PNP: variants seen among roughly 807,000 people sequenced by gnomAD.
PNP encodes the protein HEL-S-156an.
A neutral mutation model predicts 26.8 loss-of-function variants in PNP; 18 were observed. The ratio of observed to expected loss-of-function variants is 0.67; its 90% CI spans 0.46 to 1.00. The LOEUF (loss-of-function observed/expected upper bound fraction) is 1.00. PNP is among the 50% of genes least tolerant of loss of function. PNP has a pLI of 0.00. For synonymous variants in PNP, 116 were observed against 124.8 expected (o/e 0.93, Z 0.47); for missense variants, 320 against 362.9 (o/e 0.88, Z 0.96).
At position 20,475,208 on chromosome 14, in the gene PNP, T is replaced by C. The variant is rs777107081; in HGVS notation, c.608T>C (p.Val203Ala). Residue 203 changes from valine (V) to alanine (A), a missense_variant, in exon 5 of 6, where the codon GTG becomes GCG. Transcript: ENST00000361505. ...GTGGCAGGCCCCAGCTTTGAGACTG[T>C]GGCAGAATGTCGTGTGCTGCAGAAG... is the stretch of plus-strand genomic sequence containing the variant. ...VMVAGPSFET[V>A]AECRVLQKLG... 3 of 1,613,882 alleles carry C rather than the reference T, an allele frequency of 1.9e-6. No homozygotes were observed. In the East Asian group the frequency reaches 6.7e-5, roughly 36 times the overall value.
chr14:20,471,032 T>A (rs995936310), intron 1 of PNP, among the ~76,000 whole-genome samples: 2 of 151,788 alleles, frequency 1.3e-5, no homozygotes, highest in African/African-American at 4.8e-5. Flanking sequence ...TTATTTTATT[T>A]TTATTTATTT....
In PNP at chr14:20,474,524, T is replaced by C. The variant is rs1407981625; in HGVS notation, c.234T>C (p.Cys78=). The C allele has an allele frequency of 1.2e-6, 2 of 1,614,060 alleles. No individual in the cohort carries two copies. Among genetic ancestry groups the C allele is most frequent in the Non-Finnish European group, 1.7e-6 (2 of 1,180,048 alleles). ...TTGGGTTCCTGAATGGCAGGGCCTGTGTGATGATGCAGGGCAGGTTCCACA... is the reference window on the plus strand; with the variant it reads ...TTGGGTTCCTGAATGGCAGGGCCTGCGTGATGATGCAGGGCAGGTTCCACA... The part of the protein sequence containing the change: ...LVFGFLNGRA[C]VMMQGRFHMY... Residue 78 remains cysteine, a synonymous_variant, in exon 3 of 6, where the codon TGT becomes TGC. Transcript: ENST00000361505.
chr14:20,473,914 TTATATGGA>T (rs1882041411), intron 2 of PNP: 1 of 156,348 alleles, frequency 6.4e-6, no homozygotes, highest in African/African-American at 2.4e-5. Flanking sequence ...TGCAGTTTTG[TTATATGGA>T]TATACTGCGT....
chr14:20,475,726 T>C (rs543724453), intron 5 of PNP, among the ~76,000 whole-genome samples: 1 of 152,210 alleles, frequency 6.6e-6, no homozygotes, highest in East Asian at 1.9e-4. Flanking sequence ...CCTCAGGTAA[T>C]CCGCCCATCT....
chr14:20,476,390 G>A lies in PNP; in HGVS notation c.659G>A (p.Ser220Asn), dbSNP rs1194205133. 4 of 1,612,492 alleles carry A rather than the reference G, an allele frequency of 2.5e-6. No homozygotes were observed. Among genetic ancestry groups the A allele is most frequent in the Admixed American group, 1.7e-5 (1 of 60,016 alleles). The change falls in exon 6 of 6, where the codon AGT becomes AAT. Residue 220 changes from serine to asparagine, a missense_variant. Transcript: ENST00000361505. ...CCATCTTTCTCACTATCAGGCATGA[G>A]TACAGTACCAGAAGTTATCGTTGCA... ...QKLGADAVGMSTVPEVIVARH... is the reference protein window; with the variant it reads ...QKLGADAVGMNTVPEVIVARH...
At position 20,476,824 on chromosome 14, in the gene PNP, C is replaced by A; in HGVS notation, c.*223C>A. Reference sequence around the variant, plus strand: ...TGAGCATAGTGAGACCTTGGCGCTACAAAATAAAGCTGTTCTCATTCCTGT... The same window carrying A: ...TGAGCATAGTGAGACCTTGGCGCTAAAAAATAAAGCTGTTCTCATTCCTGT... On this transcript the variant is annotated 3_prime_UTR_variant, in exon 6 of 6. Transcript: ENST00000361505. 2 of 573,336 alleles carry A rather than the reference C, an allele frequency of 3.5e-6. No homozygotes were observed. 35.5% of individuals were successfully genotyped at this position (573,336 alleles called of 1,614,324 possible). A position where few individuals can be genotyped will look rare whatever the true frequency, so the allele number is the denominator to read the frequency against.
Position 20,475,780 on chromosome 14 carries a change from C to T in PNP, c.652+528C>T, listed in dbSNP as rs17881345. Among the ~76,000 whole-genome samples the T allele has an allele frequency of 3.0e-3, 463 of 152,248 alleles. 8 individuals carry two copies. Among genetic ancestry groups the T allele is most frequent in the Admixed American group, 0.027 (419 of 15,292 alleles). On this transcript the variant is annotated intron_variant, in intron 5 of 5. Coordinates refer to ENST00000361505, the MANE Select transcript of PNP (RefSeq NM_000270.4). Reference sequence around the variant, plus strand: ...GCATTACAGGCGCGACGCACTGTGCCTGGCCAATGTGATGACTGTTTCTAA... The same window carrying T: ...GCATTACAGGCGCGACGCACTGTGCTTGGCCAATGTGATGACTGTTTCTAA...
chr14:20,472,538 C>CA, intron 2 of PNP, 61 bp downstream of exon 2: 2 of 1,501,116 alleles, frequency 1.3e-6, no homozygotes, highest in Non-Finnish European at 1.8e-6. Context: ...CTGTGGAACA[C>CA]AACCAAGGAG....
chr14:20,474,919 G>A lies in PNP; in HGVS notation c.432G>A (p.Gln144=). ...DHINLPGFSG[Q]NPLRGPNDER... ...TCAACCTACCTGGTTTCAGTGGTCAGAACCCTCTCAGAGGGCCCAATGATG... is the reference window on the plus strand; with the variant it reads ...TCAACCTACCTGGTTTCAGTGGTCAAAACCCTCTCAGAGGGCCCAATGATG... Residue 144 remains glutamine (Q), a synonymous_variant, in exon 4 of 6, where the codon CAG becomes CAA. Coordinates refer to ENST00000361505, the MANE Select transcript of PNP (RefSeq NM_000270.4). The A allele has an allele frequency of 6.2e-7, 1 of 1,614,172 alleles. No homozygotes were observed. The highest frequency in any genetic ancestry group is 1.1e-5 in the South Asian group (1 of 91,080).
At position 20,475,220 on chromosome 14, in the gene PNP, G is replaced by A. The variant is rs201501535; in HGVS notation, c.620G>A (p.Arg207His). 1.3e-4 allele frequency: 215 copies of A among 1,613,582 alleles called. 3 individuals are homozygous for A. In the South Asian group the frequency reaches 1.7e-3, roughly 13 times the overall value. The change falls in exon 5 of 6, where the codon CGT becomes CAT. Residue 207 changes from arginine (R) to histidine (H), a missense_variant. Arg to His is a conservative substitution (Grantham distance 29). Transcript: ENST00000361505. The stretch of plus-strand genomic sequence containing the variant: ...AGCTTTGAGACTGTGGCAGAATGTC[G>A]TGTGCTGCAGAAGCTGGGAGCAGAC... ...GPSFETVAEC[R>H]VLQKLGADAV...
chr14:20,476,211 A>G (rs1408099303), intron 5 of PNP, among the ~76,000 whole-genome samples, 173 bp from the exon 6 acceptor site: 1 of 152,218 alleles, frequency 6.6e-6, no homozygotes, highest in Non-Finnish European at 1.5e-5. Context: ...GGCTCAAGAC[A>G]TCCTCCTGCC....
chr14:20,472,700 C>A, intron 2 of PNP: 1 of 616,972 alleles, frequency 1.6e-6, no homozygotes, highest in Non-Finnish European at 2.9e-6. Context: ...TGGACTGAGG[C>A]TAAGACTCAG....
At chr14:20,474,409 T>C in intron 2 of PNP, 63 bp from the exon 3 acceptor site, 1 of 1,358,830 alleles carries the variant, frequency 7.4e-7, no homozygotes, top group Non-Finnish European at 1.1e-6. Flanking sequence ...CAGTAGGTGC[T>C]TAATGGATAT....
rs1882130195 is a variant in PNP at position 20,476,971 on chromosome 14, C to T, written c.*370C>T. On this transcript the variant is annotated 3_prime_UTR_variant, in exon 6 of 6. Coordinates refer to ENST00000361505, the MANE Select transcript of PNP (RefSeq NM_000270.4). ...TACTAGCTCTTTGAGATAATACATT[C>T]CGAGGGGCTCAGTTCTGCCTTATCT... The T allele has an allele frequency of 2.9e-6, 1 of 345,400 alleles. No individual in the cohort carries two copies. Among genetic ancestry groups the T allele is most frequent in the African/African-American group, 2.1e-5 (1 of 47,100 alleles). 21.4% of individuals were successfully genotyped at this position (345,400 alleles called of 1,614,324 possible). A position where few individuals can be genotyped will look rare whatever the true frequency, so the allele number is the denominator to read the frequency against.
intron 5 of PNP, 152 bp from the exon 6 acceptor site, chr14:20,476,232 A>G (rs1013567275): frequency 2.6e-5 from 19 of 718,094 alleles, no homozygotes; most frequent in African/African-American, 2.6e-4. Context: ...TTGGCCTCCC[A>G]ATGTACTGGG....
In PNP at chr14:20,472,304, C is replaced by T; in HGVS notation, c.12-4C>T. The T allele has an allele frequency of 6.2e-7, 1 of 1,612,930 alleles. No homozygotes were observed. Among genetic ancestry groups the T allele is most frequent in the East Asian group, 2.2e-5 (1 of 44,884 alleles). On this transcript the variant is annotated splice_region_variant and splice_polypyrimidine_tract_variant and intron_variant, in intron 1 of 5. Coordinates refer to ENST00000361505, the MANE Select transcript of PNP (RefSeq NM_000270.4). Reference sequence around the variant, plus strand: ...AATTCACCTTGATATTTTTTCTCCCCCAGATACACCTATGAAGATTATAAG... The same window carrying T: ...AATTCACCTTGATATTTTTTCTCCCTCAGATACACCTATGAAGATTATAAG...
At chr14:20,471,329 A>G (rs1015709403) in intron 1 of PNP, among the ~76,000 whole-genome samples, 4 of 150,594 alleles carry the variant, frequency 2.7e-5, no homozygotes, top group African/African-American at 7.3e-5. Flanking sequence ...GGTTACAGGC[A>G]TGAGCCACCG....
At position 20,476,897 on chromosome 14, in the gene PNP, G is replaced by A; in HGVS notation, c.*296G>A. On this transcript the variant is annotated 3_prime_UTR_variant, in exon 6 of 6. Transcript: ENST00000361505. The stretch of plus-strand genomic sequence containing the variant: ...GCCCGTGCCCTACCACACATCTGTG[G>A]AGATGCCCAGGATTTGACTCGGGCC... The A allele has an allele frequency of 2.3e-6, 1 of 432,246 alleles. No individual in the cohort carries two copies. The highest frequency in any genetic ancestry group is 4.3e-6 in the Non-Finnish European group (1 of 231,432). 26.8% of individuals were successfully genotyped at this position (432,246 alleles called of 1,614,324 possible).
In PNP at chr14:20,469,504, C is replaced by T. The variant is rs770789887; in HGVS notation, c.-21C>T. On this transcript the variant is annotated 5_prime_UTR_variant, in exon 1 of 6. Coordinates refer to ENST00000361505, the MANE Select transcript of PNP (RefSeq NM_000270.4). ...TCGGAGCACACCGGAGCAGGCTCAT[C>T]GAGAAGGCGTCTGCGAGACCATGGA... 11 of 1,551,038 alleles carry T rather than the reference C, an allele frequency of 7.1e-6. No individual in the cohort carries two copies. Among genetic ancestry groups the T allele is most frequent in the Non-Finnish European group, 8.7e-7 (1 of 1,147,572 alleles).
Sources: gnomAD v4.1 joint callset for allele counts (sites outside exome capture counted in the v4.1 genomes callset) on GRCh38, gnomAD v4.1.1 for gene constraint, MANE v1.5 for transcripts, NCBI Gene and HGNC (gene_info 2026-07-23, HGNC 2026-07-21) for gene names.